NDEL1: variants seen among roughly 807,000 people sequenced by gnomAD.
The protein encoded by NDEL1 is nuclear distribution protein nudE-like 1.
In NDEL1, 9 loss-of-function variants were observed where a neutral mutation model predicts 45.7. The ratio of observed to expected loss-of-function variants is 0.20; its 90% CI spans 0.12 to 0.34. NDEL1 has a LOEUF of 0.34. NDEL1 is among the 10% of genes least tolerant of loss of function. The pLI, the probability that NDEL1 is intolerant of heterozygous loss-of-function variation, is 1.00. For synonymous variants in NDEL1, 133 were observed against 158.6 expected, an observed-to-expected ratio of 0.84 and a Z score of 1.21; for missense variants, 306 against 406.2, an observed-to-expected ratio of 0.75 and a Z score of 2.12.
intron 4 of NDEL1, among the ~76,000 whole-genome samples, chr17:8,447,801 A>G (rs1255964586): frequency 6.6e-6 from 1 of 152,184 alleles, no homozygotes; most frequent in Non-Finnish European, 1.5e-5. Context: ...ATATTTATCC[A>G]GTGAGTCTTA....
At chr17:8,468,724 G>A (rs2151746972), downstream of NDEL1, among the ~76,000 whole-genome samples, 1 of 152,344 alleles carries the variant, frequency 6.6e-6, no homozygotes. Context: ...AAAACTGTAA[G>A]TAACTGAAAA....
intron 1 of NDEL1, among the ~76,000 whole-genome samples, chr17:8,442,161 T>TG (rs1258782270): frequency 6.6e-6 from 1 of 152,226 alleles, no homozygotes; most frequent in Non-Finnish European, 1.5e-5. Flanking sequence ...TATTCTTTGA[T>TG]GTGGAGCCTG....
At chr17:8,418,788 C>A (rs1035268898) in intron 1 of NDEL1, among the ~76,000 whole-genome samples, 1 of 136,072 alleles carries the variant, frequency 7.3e-6, no homozygotes, top group African/African-American at 2.7e-5. Context: ...TCCCTCCTTT[C>A]TTTCTTTTCT....
chr17:8,439,588 C>T lies in NDEL1; in HGVS notation c.-13+3543C>T, dbSNP rs533012688. Among the ~76,000 whole-genome samples, 5 of 152,106 alleles carry T rather than the reference C, an allele frequency of 3.3e-5. No homozygotes were observed. In the East Asian group the frequency reaches 9.6e-4, roughly 29 times the overall value. On this transcript the variant is annotated intron_variant, in intron 1 of 8. Coordinates refer to ENST00000334527, the MANE Select transcript of NDEL1 (RefSeq NM_030808.5). ...CGCCTGCTTTGTTCTTAATGTGGCT[C>T]ATAAAGGCTATTCCAAAAAAGAAGT...
intron 8 of NDEL1, chr17:8,466,512 TTA>T (rs1911602519): frequency 6.3e-6 from 1 of 159,300 alleles, no homozygotes; most frequent in Admixed American, 6.4e-5. Context: ...CTTTTTCCAC[TTA>T]GTGTTAGTTA....
upstream of NDEL1, among the ~76,000 whole-genome samples, chr17:8,434,819 C>G (rs937764887): frequency 6.6e-6 from 1 of 151,960 alleles, no homozygotes; most frequent in Admixed American, 6.6e-5. Context: ...CGCCTGTAAT[C>G]CCAGCACTTT....
intron 1 of NDEL1, among the ~76,000 whole-genome samples, chr17:8,427,267 C>T (rs1908859855): frequency 6.6e-6 from 1 of 152,178 alleles, no homozygotes; most frequent in Admixed American, 6.6e-5. Flanking sequence ...GCAATAAAGA[C>T]AACAAATAGA....
rs143127505 is a variant in NDEL1 at position 8,453,155 on chromosome 17, G to C, written c.701-1641G>C. Reference sequence around the variant, plus strand: ...AATGAGATCTAGAAATCCCTGCCAAGAACAGTACAGCGGTTTTTTATATCA... The same window carrying C: ...AATGAGATCTAGAAATCCCTGCCAACAACAGTACAGCGGTTTTTTATATCA... On this transcript the variant is annotated intron_variant, in intron 6 of 8. Transcript: ENST00000334527. 2.3e-3 allele frequency among the ~76,000 whole-genome samples: 344 copies of C among 152,292 alleles called. 2 individuals carry two copies. The highest frequency in any genetic ancestry group is 7.9e-3 in the African/African-American group (329 of 41,552).
At chr17:8,436,730 T>G (rs552811190) in intron 1 of NDEL1, 1 of 152,378 alleles carries the variant, frequency 6.6e-6, no homozygotes, top group South Asian at 2.1e-4. Context: ...TTACCTTCTA[T>G]TTACGTAGCA....
At chr17:8,461,874 G>A (rs1911231596) in intron 8 of NDEL1, among the ~76,000 whole-genome samples, 1 of 152,132 alleles carries the variant, frequency 6.6e-6, no homozygotes, top group Non-Finnish European at 1.5e-5. Context: ...GAGAGCAGGT[G>A]TGAATCATAA....
At chr17:8,433,542 T>G (rs1286012818), upstream of NDEL1, among the ~76,000 whole-genome samples, 1 of 152,254 alleles carries the variant, frequency 6.6e-6, no homozygotes, top group Non-Finnish European at 1.5e-5. Flanking sequence ...TTTAGTATTT[T>G]GTATTGCTTC....
At chr17:8,434,887 T>C (rs908946610), upstream of NDEL1, among the ~76,000 whole-genome samples, 2 of 151,808 alleles carry the variant, frequency 1.3e-5, no homozygotes, top group African/African-American at 2.4e-5. Flanking sequence ...CTGGCCAACA[T>C]GGTGAAACCC....
rs1385018528 is a variant in NDEL1, at chr17:8,436,047, T to C, written c.-13+2T>C. The C allele has an allele frequency of 6.9e-6, 3 of 437,804 alleles. No homozygotes were observed. The highest frequency in any genetic ancestry group is 1.4e-5 in the Non-Finnish European group (3 of 219,510). 27.1% of individuals were successfully genotyped at this position (437,804 alleles called of 1,614,324 possible). A position where few individuals can be genotyped will look rare whatever the true frequency, so the allele number is the denominator to read the frequency against. On this transcript the variant is annotated splice_donor_variant, in intron 1 of 8. Coordinates refer to ENST00000334527, the MANE Select transcript of NDEL1 (RefSeq NM_030808.5). LOFTEE classifies it low-confidence loss of function (5UTR_SPLICE). The stretch of plus-strand genomic sequence containing the variant: ...ACATGCGCTTTTGACACATTGGAGG[T>C]GAGCCTGCAGCGCGGGGCCGCTCCC...
intron 1 of NDEL1, among the ~76,000 whole-genome samples, chr17:8,428,898 C>T (rs1461498982): frequency 2.0e-5 from 3 of 152,088 alleles, no homozygotes; most frequent in Non-Finnish European, 4.4e-5. Flanking sequence ...TGGTCTCGAT[C>T]TCCTGACCTT....
chr17:8,421,841 T>C (rs548048090), intron 1 of NDEL1, among the ~76,000 whole-genome samples: 1 of 152,218 alleles, frequency 6.6e-6, no homozygotes, highest in South Asian at 2.1e-4. Context: ...CATCACATTC[T>C]GCAGACTGGC....
chr17:8,423,215 CT>C (rs768109282), intron 1 of NDEL1, among the ~76,000 whole-genome samples: 13 of 152,174 alleles, frequency 8.5e-5, no homozygotes, highest in African/African-American at 1.2e-4. Context: ...GTGACCCCCC[CT>C]AGAGAAGCAA....
rs1287547798 is a variant in NDEL1 at position 8,450,917 on chromosome 17, G to A, written c.664G>A (p.Gly222Ser). The A allele has an allele frequency of 1.9e-6, 3 of 1,611,568 alleles. No homozygotes were observed. Among genetic ancestry groups the A allele is most frequent in the Non-Finnish European group, 2.5e-6 (3 of 1,179,182 alleles). ...ACTTTCTTTGCCAGCTACCCCTGTT[G>A]GCAAAGGAACGGAGAACACTTTTCC... Reference protein sequence around the residue: ...ASLSLPATPVGKGTENTFPSP... With the variant: ...ASLSLPATPVSKGTENTFPSP... Residue 222 changes from glycine (G) to serine (S), a missense_variant, in exon 6 of 9, where the codon GGC becomes AGC. Transcript: ENST00000334527.
intron 8 of NDEL1, among the ~76,000 whole-genome samples, chr17:8,463,607 C>T (rs1042578599): frequency 1.3e-5 from 2 of 152,180 alleles, no homozygotes; most frequent in African/African-American, 4.8e-5. Context: ...AGGTGGCACG[C>T]CTGAGATGGG....
rs566064856 is a variant in NDEL1, at chr17:8,448,400, G to T, written c.390-150G>T. On this transcript the variant is annotated intron_variant, in intron 4 of 8. Coordinates refer to ENST00000334527, the MANE Select transcript of NDEL1 (RefSeq NM_030808.5). ...CTGATAGAGACACTACGTGCCAGCA[G>T]TGGTCAGGAAGGGGCAAGATCATCT... 5.6e-6 allele frequency: 4 copies of T among 720,168 alleles called. No individual in the cohort carries two copies. In the South Asian group the frequency reaches 5.9e-5, roughly 11 times the overall value. The allele number at this position is 720,168 out of a possible 1,614,324, so 44.6% of individuals were successfully genotyped here.
Sources: allele counts gnomAD v4.1 joint callset (sites outside exome capture counted in the v4.1 genomes callset), GRCh38; gene constraint gnomAD v4.1.1; transcripts MANE v1.5; gene names NCBI Gene and HGNC (gene_info 2026-07-23, HGNC 2026-07-21).